SULT6B1: variants seen among roughly 807,000 people sequenced by gnomAD.
SULT6B1 encodes sulfotransferase 6B1.
A neutral mutation model predicts 37.2 loss-of-function variants in SULT6B1; 44 were observed. The ratio of observed to expected loss-of-function variants is 1.18; its 90% CI spans 0.93 to 1.52. SULT6B1 has a LOEUF of 1.52. SULT6B1 is among the 40% of genes most tolerant of loss of function. The pLI is 0.00. For missense variants in SULT6B1, 450 were observed against 361.0 expected (o/e 1.25, Z -2.00); for synonymous variants, 140 against 126.0 (o/e 1.11, Z -0.74).
At chr2:37,170,097 T>C (rs1057026721) in intron 6 of SULT6B1, among the ~76,000 whole-genome samples, 4 of 152,182 alleles carry the variant, frequency 2.6e-5, no homozygotes, top group African/African-American at 9.7e-5. Flanking sequence ...CTGATTTTAA[T>C]TGTGTAGTAA....
intron 1 of SULT6B1, among the ~76,000 whole-genome samples, chr2:37,193,934 C>G (rs1676839190): frequency 6.6e-6 from 1 of 152,176 alleles, no homozygotes; most frequent in Non-Finnish European, 1.5e-5. Flanking sequence ...CTACTGGAGT[C>G]TACACTTTTC....
chr2:37,168,532 T>C (rs1016772960), intron 6 of SULT6B1, among the ~76,000 whole-genome samples: 1 of 152,204 alleles, frequency 6.6e-6, no homozygotes. Flanking sequence ...CCACCATCTG[T>C]GGTGTGGGAG....
chr2:37,185,750 A>G (rs942169997), intron 2 of SULT6B1, among the ~76,000 whole-genome samples: 5 of 150,914 alleles, frequency 3.3e-5, no homozygotes, highest in African/African-American at 9.8e-5. Context: ...GAGAGAGAGA[A>G]ATTGAAATCT....
Position 37,179,578 on chromosome 2 carries a change from C to A in SULT6B1, c.409G>T (p.Val137Leu). Reference protein sequence around the residue: ...SIFENKAKILVIFRNPKDTAV... With the variant: ...SIFENKAKILLIFRNPKDTAV... Reference sequence around the variant, plus strand: ...GTATCTTTAGGGTTTCGAAATATCACCAATATCTAGGGAGCAAAAATTGAG... The same window carrying A: ...GTATCTTTAGGGTTTCGAAATATCAACAATATCTAGGGAGCAAAAATTGAG... Residue 137 changes from valine to leucine, a missense_variant, in exon 4 of 7, where the codon GTG becomes TTG. By Grantham distance (32) the Val-to-Leu change is conservative. Coordinates refer to ENST00000535679, the MANE Select transcript of SULT6B1 (RefSeq NM_001367551.1). The A allele has an allele frequency of 6.2e-7, 1 of 1,610,574 alleles. No individual in the cohort carries two copies. Among genetic ancestry groups the A allele is most frequent in the Non-Finnish European group, 8.5e-7 (1 of 1,179,484 alleles).
chr2:37,195,826 AT>A (rs10711713), intron 1 of SULT6B1, among the ~76,000 whole-genome samples: 104,193 of 146,438 alleles, frequency 0.71, 37,408 homozygotes, highest in East Asian at 0.97. Flanking sequence ...GTAGTTCTGC[AT>A]TTTTTTTTTT....
chr2:37,187,011 C>G (rs570785909), intron 2 of SULT6B1, among the ~76,000 whole-genome samples: 1 of 152,214 alleles, frequency 6.6e-6, no homozygotes, highest in African/African-American at 2.4e-5. Context: ...TCTCAGCTTA[C>G]TTTCCCCCTA....
At chr2:37,174,543 C>A (rs1358115627) in intron 5 of SULT6B1, among the ~76,000 whole-genome samples, 2 of 152,156 alleles carry the variant, frequency 1.3e-5, no homozygotes, top group Non-Finnish European at 2.9e-5. Context: ...TTCCCCGTGC[C>A]TGGCCCCCCA....
At chr2:37,186,542 T>A (rs147440426) in intron 2 of SULT6B1, among the ~76,000 whole-genome samples, 2 of 152,264 alleles carry the variant, frequency 1.3e-5, no homozygotes, top group African/African-American at 4.8e-5. Context: ...GAGCTAATGC[T>A]TGATTCCTTC....
At position 37,188,525 on chromosome 2, in the gene SULT6B1, A is replaced by G. The variant is rs1676720828; in HGVS notation, c.116T>C (p.Met39Thr). The G allele has an allele frequency of 1.2e-6, 2 of 1,614,056 alleles. No individual in the cohort carries two copies. The highest frequency in any genetic ancestry group is 1.1e-5 in the South Asian group (1 of 91,094). Residue 39 changes from methionine to threonine, a missense_variant, in exon 1 of 7, where the codon ATG (methionine) becomes ACG (threonine). By Grantham distance (81) the Met-to-Thr change is moderately conservative. Coordinates refer to ENST00000535679, the MANE Select transcript of SULT6B1 (RefSeq NM_001367551.1). ...TYQGIPYPIT[M>T]CTSETFQALD... ...CGCTTGGAAAGTTTCTGAGGTGCAC[A>G]TGGTGATGGGGTAAGGAATCCCCTG...
intron 5 of SULT6B1, among the ~76,000 whole-genome samples, chr2:37,174,358 C>T (rs1676368937): frequency 6.7e-6 from 1 of 149,440 alleles, no homozygotes. Flanking sequence ...TCTCAGCTTC[C>T]TGAGTAGCTG....
chr2:37,184,548 G>C (rs561150783), intron 2 of SULT6B1, among the ~76,000 whole-genome samples: 108 of 152,312 alleles, frequency 7.1e-4, no homozygotes, highest in Non-Finnish European at 1.3e-3. Flanking sequence ...TTACTGCTTG[G>C]TTGCAGCTAC....
intron 2 of SULT6B1, among the ~76,000 whole-genome samples, chr2:37,185,084 C>T (rs909982699): frequency 6.6e-6 from 1 of 152,108 alleles, no homozygotes; most frequent in Non-Finnish European, 1.5e-5. Context: ...AGGTTTTAAG[C>T]ACTTTGTGCA....
upstream of SULT6B1, chr2:37,188,709 G>T (rs1676725608): frequency 1.6e-6 from 1 of 611,064 alleles, no homozygotes; most frequent in Non-Finnish European, 2.9e-6. Flanking sequence ...ATGGAGTTGG[G>T]CAGGGGCTGG....
At chr2:37,179,389 A>G (rs1222277226) in intron 4 of SULT6B1, 69 bp downstream of exon 4, 2 of 1,584,936 alleles carry the variant, frequency 1.3e-6, no homozygotes, top group Non-Finnish European at 1.7e-6. Context: ...ACCCTAAAAC[A>G]CATTTGGGTT....
In SULT6B1 at chr2:37,171,345, C is replaced by G. The variant is rs11569760; in HGVS notation, c.781+89G>C. 2,148 of 1,477,940 alleles carry G rather than the reference C, an allele frequency of 1.5e-3. 29 individuals are homozygous for G. In the African/African-American group the frequency reaches 0.026, roughly 18 times the overall value. The allele number at this position is 1,477,940 out of a possible 1,614,324, so 91.6% of individuals were successfully genotyped here. ...GAGGCGGAGAAAAATAAAACCCTAT[C>G]TGACTTAAGATGAAGTTATTTGGAT... On this transcript the variant is annotated intron_variant, in intron 6 of 6. Coordinates refer to ENST00000535679, the MANE Select transcript of SULT6B1 (RefSeq NM_001367551.1).
At chr2:37,190,217 T>C (rs80184174), upstream of SULT6B1, among the ~76,000 whole-genome samples, 3,743 of 152,352 alleles carry the variant, frequency 0.025, 64 homozygotes, top group Middle Eastern at 0.054. Context: ...AAGTCAAATA[T>C]CTATAAATGT....
chr2:37,177,325 T>C (rs536562070), intron 4 of SULT6B1, among the ~76,000 whole-genome samples: 1 of 145,926 alleles, frequency 6.9e-6, no homozygotes, highest in Non-Finnish European at 1.5e-5. Context: ...CTTAGGAGGC[T>C]GAGGACCACG....
intron 5 of SULT6B1, among the ~76,000 whole-genome samples, chr2:37,173,010 A>G (rs6710676): frequency 0.032 from 4,828 of 149,796 alleles, 91 homozygotes; most frequent in Middle Eastern, 0.044. Flanking sequence ...GCACCACCAC[A>G]CCCAGCTAAT....
intron 3 of SULT6B1, among the ~76,000 whole-genome samples, chr2:37,181,237 A>C (rs1676543152): frequency 6.6e-6 from 1 of 152,152 alleles, no homozygotes; most frequent in Non-Finnish European, 1.5e-5. Context: ...TGAGGGCTTT[A>C]TATTTGAGGC....
Sources: gnomAD v4.1 joint callset for allele counts (sites outside exome capture counted in the v4.1 genomes callset) on GRCh38, gnomAD v4.1.1 for gene constraint, MANE v1.5 for transcripts, NCBI Gene and HGNC (gene_info 2026-07-23, HGNC 2026-07-21) for gene names.